KLHL12: variants seen among roughly 807,000 people sequenced by gnomAD.
The protein encoded by KLHL12 is kelch like family member 12.
Under a neutral mutation model 60.8 loss-of-function variants are expected in KLHL12, and 17 were observed. The ratio of observed to expected loss-of-function variants is 0.28; its 90% CI spans 0.19 to 0.42. The LOEUF (loss-of-function observed/expected upper bound fraction) is 0.42. Ranked by LOEUF, KLHL12 falls within the 10% of genes least tolerant of loss-of-function variation. KLHL12 has a pLI of 1.00. For missense variants in KLHL12, 468 were observed against 722.3 expected (o/e 0.65, Z 4.04); for synonymous variants, 220 against 250.9 (o/e 0.88, Z 1.16).
intron 7 of KLHL12, among the ~76,000 whole-genome samples, chr1:202,896,124 T>C (rs1332567339): frequency 6.6e-6 from 1 of 152,336 alleles, no homozygotes; most frequent in African/African-American, 2.4e-5. Flanking sequence ...AGGGTTGGAT[T>C]TCCATGTTTT....
intron 6 of KLHL12, among the ~76,000 whole-genome samples, chr1:202,900,324 C>T (rs1235664176): frequency 6.8e-6 from 1 of 146,744 alleles, no homozygotes; most frequent in African/African-American, 2.5e-5. Context: ...TGGGCAGATT[C>T]CTTGCGCCCA....
At chr1:202,925,929 A>G in intron 1 of KLHL12, among the ~76,000 whole-genome samples, 1 of 151,924 alleles carries the variant, frequency 6.6e-6, no homozygotes, top group Non-Finnish European at 1.5e-5. Flanking sequence ...ACATGGTGAA[A>G]CCTAGTCTCT....
upstream of KLHL12, chr1:202,927,301 GTC>G (rs1454823402): frequency 2.0e-6 from 2 of 983,684 alleles, no homozygotes; most frequent in African/African-American, 3.5e-5. Flanking sequence ...CCGCTCCAGA[GTC>G]TGCGTCACGT....
intron 6 of KLHL12, among the ~76,000 whole-genome samples, chr1:202,900,292 C>T (rs1249212940): frequency 1.3e-5 from 2 of 148,920 alleles, no homozygotes; most frequent in African/African-American, 2.5e-5. Context: ...GACTATAATC[C>T]TAGCACTTTG....
At chr1:202,894,096 A>T (rs1239821091) in intron 10 of KLHL12, 88 bp downstream of exon 10, 1 of 703,244 alleles carries the variant, frequency 1.4e-6, no homozygotes, top group Non-Finnish European at 2.4e-6. Context: ...TTTTTACATT[A>T]ATCTACGGTT....
chr1:202,893,175 A>C lies in KLHL12; in HGVS notation c.1580+64T>G. The C allele has an allele frequency of 1.5e-6, 2 of 1,320,950 alleles. No individual in the cohort carries two copies. Among genetic ancestry groups the C allele is most frequent in the Non-Finnish European group, 2.1e-6 (2 of 965,852 alleles). The allele number at this position is 1,320,950 out of a possible 1,614,324, so 81.8% of individuals were successfully genotyped here. ...GTCTTGTCTCTGTCCAAAAATGAGGATCAGATCACATAGACTCTTGCTCTG... is the reference window on the plus strand; with the variant it reads ...GTCTTGTCTCTGTCCAAAAATGAGGCTCAGATCACATAGACTCTTGCTCTG... On this transcript the variant is annotated intron_variant, in intron 11 of 11. Coordinates refer to ENST00000367261, the MANE Select transcript of KLHL12 (RefSeq NM_021633.4). This position sits in a 1 kb window ranked among gnomAD's most constrained non-coding sequence, Gnocchi z 4.1.
rs1178318342 is a variant in KLHL12 at position 202,922,475 on chromosome 1, AAAG to A, written c.195+2490_195+2492del. Among the ~76,000 whole-genome samples the A allele has an allele frequency of 2.6e-5, 4 of 151,282 alleles. No individual in the cohort carries two copies. In the East Asian group the frequency reaches 7.7e-4, roughly 29 times the overall value. ...GAGAGCGATAAAGGGTCTAAAGATC[AAAG>A]AAGATCCAAGACTTTTTTTTTTTTT... On this transcript the variant is annotated intron_variant, in intron 2 of 11. Transcript: ENST00000367261.
At chr1:202,913,147 T>C (rs528048909) in intron 4 of KLHL12, among the ~76,000 whole-genome samples, 1 of 152,232 alleles carries the variant, frequency 6.6e-6, no homozygotes, top group East Asian at 1.9e-4. Context: ...TGAGAAGATA[T>C]ATTTAATTAA....
chr1:202,913,464 CCA>C (rs1660426344), intron 4 of KLHL12, among the ~76,000 whole-genome samples: 3 of 152,152 alleles, frequency 2.0e-5, no homozygotes, highest in African/African-American at 7.2e-5. Context: ...TTACTGAACC[CCA>C]CTCTTAACTG....
At position 202,891,472 on chromosome 1, in the gene KLHL12, C is replaced by T. The variant is rs1042339336; in HGVS notation, c.*1061G>A. Reference sequence around the variant, plus strand: ...ATGTACCAAACACAGCAGTACAAACCACTCCTTGGCAGACATGTGCTTCTA... The same window carrying T: ...ATGTACCAAACACAGCAGTACAAACTACTCCTTGGCAGACATGTGCTTCTA... On this transcript the variant is annotated 3_prime_UTR_variant, in exon 12 of 12. Transcript: ENST00000367261. The T allele has an allele frequency of 6.6e-5, 10 of 152,428 alleles. No individual in the cohort carries two copies. Among genetic ancestry groups the T allele is most frequent in the African/African-American group, 2.4e-4 (10 of 41,434 alleles). The allele number at this position is 152,428 out of a possible 1,614,324, so 9.4% of individuals were successfully genotyped here. A position where few individuals can be genotyped will look rare whatever the true frequency, so the allele number is the denominator to read the frequency against.
rs183430901 is a variant in KLHL12, at chr1:202,922,059, C to T, written c.196-2151G>A. 2.8e-3 allele frequency among the ~76,000 whole-genome samples: 426 copies of T among 152,266 alleles called. 1 individual carries two copies. Among genetic ancestry groups the T allele is most frequent in the Middle Eastern group, 0.017 (5 of 294 alleles). On this transcript the variant is annotated intron_variant, in intron 2 of 11. Coordinates refer to ENST00000367261, the MANE Select transcript of KLHL12 (RefSeq NM_021633.4). Reference sequence around the variant, plus strand: ...ATTATGGTACTGAAATATGTAAGTACATGTATTCCAGAAATTTCTCATTCA... The same window carrying T: ...ATTATGGTACTGAAATATGTAAGTATATGTATTCCAGAAATTTCTCATTCA...
intron 2 of KLHL12, among the ~76,000 whole-genome samples, chr1:202,920,768 T>C (rs948624425): frequency 2.0e-5 from 3 of 152,164 alleles, no homozygotes; most frequent in Non-Finnish European, 4.4e-5. Context: ...GAATAAGTAA[T>C]AGGTAACACC....
At chr1:202,916,012 T>C (rs1370268008) in intron 4 of KLHL12, among the ~76,000 whole-genome samples, 1 of 152,282 alleles carries the variant, frequency 6.6e-6, no homozygotes. Flanking sequence ...GTGCTCATTC[T>C]ATTCATTGTA....
At chr1:202,918,114 G>C in intron 4 of KLHL12, 57 bp downstream of exon 4, 1 of 1,285,124 alleles carries the variant, frequency 7.8e-7, no homozygotes, top group Non-Finnish European at 1.1e-6. Context: ...CATCCTATTT[G>C]CAAGTTTTGT....
At chr1:202,916,926 T>C (rs1017183765) in intron 4 of KLHL12, among the ~76,000 whole-genome samples, 1 of 150,488 alleles carries the variant, frequency 6.6e-6, no homozygotes, top group African/African-American at 2.4e-5. Context: ...TGAGCCATAA[T>C]TGCATCACTG....
intron 11 of KLHL12, 131 bp from the exon 12 acceptor site, chr1:202,892,790 G>T: frequency 1.2e-6 from 1 of 833,350 alleles, no homozygotes. Context: ...AGACCAGCCT[G>T]GGCAACATGG....
At chr1:202,914,709 T>C (rs1660467799) in intron 4 of KLHL12, among the ~76,000 whole-genome samples, 1 of 151,540 alleles carries the variant, frequency 6.6e-6, no homozygotes, top group South Asian at 2.1e-4. Flanking sequence ...CTACTAAAAA[T>C]ACAAAAATTA....
chr1:202,912,695 T>A, intron 4 of KLHL12: 1 of 1,335,650 alleles, frequency 7.5e-7, no homozygotes. Context: ...GTGGTTTCAG[T>A]AGCAGCAGTA....
chr1:202,909,096 C>T lies in KLHL12; in HGVS notation c.746G>A (p.Arg249Lys). 6.2e-7 allele frequency: 1 copy of T among 1,613,860 alleles called. No homozygotes were observed. Among genetic ancestry groups the T allele is most frequent in the South Asian group, 1.1e-5 (1 of 91,054 alleles). ...EPFIRCSLQC[R>K]DLVDEAKKFH... ...CTTCTTTGCTTCATCAACCAGATCC[C>T]TGCATTGTAAACTACAGCGGATGAA... The change falls in exon 6 of 12, where the codon AGG becomes AAG. Residue 249 changes from arginine (R) to lysine (K), a missense_variant. Arg to Lys is a conservative substitution (Grantham distance 26). Transcript: ENST00000367261. This position sits in a 1 kb window ranked among gnomAD's most constrained non-coding sequence, Gnocchi z 4.1.
Sources: allele counts gnomAD v4.1 joint callset (sites outside exome capture counted in the v4.1 genomes callset), GRCh38; gene constraint gnomAD v4.1.1; non-coding constraint Gnocchi (gnomAD v3.1); transcripts MANE v1.5; gene names NCBI Gene and HGNC (gene_info 2026-07-23, HGNC 2026-07-21).